PPP1R13B: variants seen among roughly 807,000 people sequenced by gnomAD.
PPP1R13B encodes protein phosphatase 1 regulatory subunit 13B.
A neutral mutation model predicts 119.8 loss-of-function variants in PPP1R13B; 44 were observed. That is an observed-to-expected ratio of 0.37 (90% CI 0.29 to 0.47). PPP1R13B has a LOEUF of 0.47. Ranked by LOEUF, PPP1R13B falls within the 20% of genes least tolerant of loss-of-function variation. The pLI, the probability that PPP1R13B is intolerant of heterozygous loss-of-function variation, is 0.99. For missense variants in PPP1R13B, 1,227 were observed against 1,413.5 expected (o/e 0.87, Z 2.12); for synonymous variants, 542 against 561.5 (o/e 0.97, Z 0.49).
intron 1 of PPP1R13B, among the ~76,000 whole-genome samples, chr14:103,809,087 G>T (rs1255596833): frequency 6.6e-6 from 1 of 151,994 alleles, no homozygotes; most frequent in Non-Finnish European, 1.5e-5. Context: ...TAACTCCTGG[G>T]CTCAATTATC....
chr14:103,761,517 G>A (rs959796398), intron 4 of PPP1R13B, among the ~76,000 whole-genome samples: 1 of 151,712 alleles, frequency 6.6e-6, no homozygotes, highest in East Asian at 1.9e-4. Flanking sequence ...TAATCCCAGC[G>A]CTTTGGGAGG....
chr14:103,742,538 A>T lies in PPP1R13B; in HGVS notation c.1320+116T>A. On this transcript the variant is annotated intron_variant, in intron 10 of 16. Coordinates refer to ENST00000202556, the MANE Select transcript of PPP1R13B (RefSeq NM_015316.3). The surrounding 1 kb of genome is among the most constrained non-coding windows in gnomAD (Gnocchi z 4.9). Reference sequence around the variant, plus strand: ...CTCTAGGACTTTGGGTGTTGTCTGGACAATAACAGGATTAACTTGCCTCCT... The same window carrying T: ...CTCTAGGACTTTGGGTGTTGTCTGGTCAATAACAGGATTAACTTGCCTCCT... 7.1e-7 allele frequency: 1 copy of T among 1,414,740 alleles called. No individual in the cohort carries two copies. The highest frequency in any genetic ancestry group is 1.4e-5 in the South Asian group (1 of 72,652). The allele number at this position is 1,414,740 out of a possible 1,614,324, so 87.6% of individuals were successfully genotyped here.
chr14:103,817,175 G>C (rs1433747275), intron 1 of PPP1R13B, among the ~76,000 whole-genome samples: 1 of 152,126 alleles, frequency 6.6e-6, no homozygotes, highest in Non-Finnish European at 1.5e-5. Context: ...AGGCCTTGTG[G>C]AATCTAAATT....
intron 2 of PPP1R13B, among the ~76,000 whole-genome samples, chr14:103,790,725 T>C (rs1198676796): frequency 6.6e-6 from 1 of 152,046 alleles, no homozygotes; most frequent in Non-Finnish European, 1.5e-5. Flanking sequence ...GTAAACAGGC[T>C]GAGCGTGGGT....
chr14:103,754,089 T>C lies in PPP1R13B; in HGVS notation c.612A>G (p.Lys204=), dbSNP rs185845885. ...ACGTACACAGATTGCCGTTCATGAT[T>C]TTGCTGTAGTCGACTTGTCCTCTCA... ...RAMRGQVDYS[K]IMNGNLSAEI... The change falls in exon 6 of 17, where the codon AAA becomes AAG. Residue 204 remains lysine, a synonymous_variant. Transcript: ENST00000202556. 90 of 1,613,988 alleles carry C rather than the reference T, an allele frequency of 5.6e-5. No homozygotes were observed. Among genetic ancestry groups the C allele is most frequent in the Non-Finnish European group, 6.8e-5 (80 of 1,179,978 alleles).
chr14:103,830,950 T>TC (rs1234857490), intron 1 of PPP1R13B, among the ~76,000 whole-genome samples: 1 of 151,980 alleles, frequency 6.6e-6, no homozygotes, highest in Non-Finnish European at 1.5e-5. Context: ...GTAATTTTTT[T>TC]TTTTTTTTTT....
chr14:103,829,607 T>C (rs543151414), intron 1 of PPP1R13B, among the ~76,000 whole-genome samples: 1 of 152,030 alleles, frequency 6.6e-6, no homozygotes, highest in South Asian at 2.1e-4. Context: ...AAAACACACA[T>C]CTATAGTGTA....
At chr14:103,820,986 C>A (rs2086393593) in intron 1 of PPP1R13B, among the ~76,000 whole-genome samples, 1 of 151,960 alleles carries the variant, frequency 6.6e-6, no homozygotes, top group Non-Finnish European at 1.5e-5. Flanking sequence ...TGAAAGCATT[C>A]AATTAAAAGG....
intron 15 of PPP1R13B, 159 bp downstream of exon 15, chr14:103,737,535 C>T: frequency 1.1e-6 from 1 of 942,224 alleles, no homozygotes; most frequent in Non-Finnish European, 1.5e-6. Context: ...ATGATTGCGA[C>T]ATTGCACTCC....
rs17292804 is a variant in PPP1R13B, at chr14:103,738,786, G to A, written c.2757C>T (p.Asp919=). ...CGTTGTGCAGTGGGGTGATCCCTTC[G>A]TCGTTGGGCTTGCTGGGATCTTCCA... ...YEVEDPSKPN[D]EGITPLHNAV... Residue 919 remains aspartate (D), a synonymous_variant, in exon 14 of 17, where the codon GAC becomes GAT. Transcript: ENST00000202556. The surrounding 1 kb of genome is among the most constrained non-coding windows in gnomAD (Gnocchi z 5.6). 0.11 allele frequency: 180,355 copies of A among 1,614,118 alleles called. 11,937 individuals carry two copies. The highest frequency in any genetic ancestry group is 0.14 in the Non-Finnish European group (159,358 of 1,180,014).
At position 103,734,401 on chromosome 14, in the gene PPP1R13B, A is replaced by G. The variant is rs998536736; in HGVS notation, c.*753T>C. ...TTCAGGGAACTGAATTTGAGCTTGCAGGGGTGAGAACCACACTGAGCAGCA... is the reference window on the plus strand; with the variant it reads ...TTCAGGGAACTGAATTTGAGCTTGCGGGGGTGAGAACCACACTGAGCAGCA... On this transcript the variant is annotated 3_prime_UTR_variant, in exon 17 of 17. Transcript: ENST00000202556. 2.5e-6 allele frequency: 1 copy of G among 400,184 alleles called. No individual in the cohort carries two copies. The highest frequency in any genetic ancestry group is 1.8e-5 in the South Asian group (1 of 55,976). 24.8% of individuals were successfully genotyped at this position (400,184 alleles called of 1,614,324 possible).
intron 3 of PPP1R13B, among the ~76,000 whole-genome samples, chr14:103,781,655 TTTG>T (rs1369235598): frequency 1.3e-5 from 2 of 152,168 alleles, no homozygotes; most frequent in African/African-American, 2.4e-5. Context: ...TTGTTTTGTT[TTTG>T]TTGTTGTTTT....
At chr14:103,812,129 T>G (rs1420897724) in intron 1 of PPP1R13B, among the ~76,000 whole-genome samples, 1 of 109,506 alleles carries the variant, frequency 9.1e-6, no homozygotes, top group African/African-American at 5.0e-5. Flanking sequence ...TGTGTGTGGT[T>G]TTTTTTTTTT....
chr14:103,752,400 G>T (rs2084570869), intron 7 of PPP1R13B, among the ~76,000 whole-genome samples: 1 of 152,134 alleles, frequency 6.6e-6, no homozygotes, highest in African/African-American at 2.4e-5. Context: ...AGAGGTGCGG[G>T]CCTTTTTTTT....
intron 4 of PPP1R13B, among the ~76,000 whole-genome samples, chr14:103,765,271 G>T (rs1033901457): frequency 6.6e-6 from 1 of 152,046 alleles, no homozygotes; most frequent in Non-Finnish European, 1.5e-5. Context: ...CTGTAACCTA[G>T]AATCAAAAAA....
chr14:103,766,432 T>A (rs1455978514), intron 4 of PPP1R13B, among the ~76,000 whole-genome samples: 1 of 151,994 alleles, frequency 6.6e-6, no homozygotes, highest in Non-Finnish European at 1.5e-5. Context: ...TAGCCACATC[T>A]CCTGACAGCA....
chr14:103,770,639 A>G (rs2085045983), intron 4 of PPP1R13B, among the ~76,000 whole-genome samples: 1 of 152,218 alleles, frequency 6.6e-6, no homozygotes, highest in Non-Finnish European at 1.5e-5. Flanking sequence ...GTGCACAGAT[A>G]ACAACAGAAA....
At chr14:103,777,579 C>T (rs1735234839) in intron 4 of PPP1R13B, among the ~76,000 whole-genome samples, 1 of 152,062 alleles carries the variant, frequency 6.6e-6, no homozygotes, top group African/African-American at 2.4e-5. Context: ...CAGGAGAGGA[C>T]ATGGCAGCAG....
intron 1 of PPP1R13B, among the ~76,000 whole-genome samples, chr14:103,809,605 G>A (rs999479850): frequency 6.6e-6 from 1 of 151,880 alleles, no homozygotes; most frequent in Non-Finnish European, 1.5e-5. Context: ...CAGGCTGCTC[G>A]AGCTCAGGAG....
Sources: gnomAD v4.1 joint callset for allele counts (sites outside exome capture counted in the v4.1 genomes callset) on GRCh38, gnomAD v4.1.1 for gene constraint, Gnocchi (gnomAD v3.1) non-coding constraint, MANE v1.5 for transcripts, NCBI Gene and HGNC (gene_info 2026-07-23, HGNC 2026-07-21) for gene names.